Variants in KLF16 observed in about 807,000 individuals in gnomAD.
KLF16 encodes Krueppel-like factor 16.
Under a neutral mutation model 6.1 loss-of-function variants are expected in KLF16, and 6 were observed. The ratio of observed to expected loss-of-function variants is 0.98; its 90% CI spans 0.54 to 1.93. The LOEUF (loss-of-function observed/expected upper bound fraction) is 1.93. Among genes scored for constraint, KLF16 ranks in the 30% most tolerant of loss-of-function variants. The pLI is 0.01. For synonymous variants in KLF16, 211 were observed against 176.5 expected, an observed-to-expected ratio of 1.20 and a Z score of -1.55; for missense variants, 355 against 363.8, an observed-to-expected ratio of 0.98 and a Z score of 0.20.
rs1255088942 is a variant in KLF16, at chr19:1,853,640, CCT to C, written c.*817_*818del. ...AGCCCGGTGCCAGCCTCCCCTGCAGCCTCTCTCACCCACCCACCCAGAGAGGG... is the reference window on the plus strand; with the variant it reads ...AGCCCGGTGCCAGCCTCCCCTGCAGCCTCTCACCCACCCACCCAGAGAGGG... On this transcript the variant is annotated 3_prime_UTR_variant, in exon 2 of 2. Transcript: ENST00000250916. 6.5e-6 allele frequency: 1 copy of C among 152,758 alleles called. No individual in the cohort carries two copies. Among genetic ancestry groups the C allele is most frequent in the African/African-American group, 2.4e-5 (1 of 41,458 alleles). The allele number at this position is 152,758 out of a possible 1,614,324, so 9.5% of individuals were successfully genotyped here. A position where few individuals can be genotyped will look rare whatever the true frequency, so the allele number is the denominator to read the frequency against.
At chr19:1,874,925 A>G in the KLF16 span, 1 of 152,344 alleles carries the variant, frequency 6.6e-6, no homozygotes, top group African/African-American at 2.4e-5. Flanking sequence ...ATATTTTCCA[A>G]TCTCGAAACG....
the KLF16 span, among the ~76,000 whole-genome samples, chr19:1,874,591 C>A: frequency 6.7e-6 from 1 of 150,034 alleles, no homozygotes; most frequent in Admixed American, 6.6e-5. Flanking sequence ...ATGCAGGAGC[C>A]GTAAAGAGAA....
At chr19:1,874,505 C>T in the KLF16 span, among the ~76,000 whole-genome samples, 1 of 151,468 alleles carries the variant, frequency 6.6e-6, no homozygotes, top group African/African-American at 2.4e-5. Context: ...AAAAAAACCC[C>T]ACTACATTTC....
chr19:1,854,193 TG>T lies in KLF16; in HGVS notation c.*265del, dbSNP rs1028990722. 5.8e-5 allele frequency: 23 copies of T among 398,650 alleles called. No individual in the cohort carries two copies. Among genetic ancestry groups the T allele is most frequent in the East Asian group, 8.1e-5 (2 of 24,622 alleles). 24.7% of individuals were successfully genotyped at this position (398,650 alleles called of 1,614,324 possible). A position where few individuals can be genotyped will look rare whatever the true frequency, so the allele number is the denominator to read the frequency against. On this transcript the variant is annotated 3_prime_UTR_variant, in exon 2 of 2. Transcript: ENST00000250916. ...AGAGGGGAGGACCTCCTAGCTGCCC[TG>T]GGGGGGCCCCGTTGCACAGATGGGA... is the stretch of plus-strand genomic sequence containing the variant.
At chr19:1,875,578 G>C in the KLF16 span, 1 of 152,224 alleles carries the variant, frequency 6.6e-6, no homozygotes, top group Non-Finnish European at 1.5e-5. Context: ...CTGTGCACCT[G>C]AACACACTTT....
At chr19:1,875,427 C>T in the KLF16 span, 1 of 152,238 alleles carries the variant, frequency 6.6e-6, no homozygotes, top group African/African-American at 2.4e-5. Context: ...CGTAGATGTT[C>T]CTGCATAGAC....
At chr19:1,856,485 AC>A in intron 1 of KLF16, among the ~76,000 whole-genome samples, 1 of 152,270 alleles carries the variant, frequency 6.6e-6, no homozygotes, top group South Asian at 2.1e-4. Context: ...AGGGGGAGAG[AC>A]CAGCTGTCAC....
chr19:1,871,097 G>A, the KLF16 span, among the ~76,000 whole-genome samples: 1 of 152,232 alleles, frequency 6.6e-6, no homozygotes, highest in Admixed American at 6.5e-5. Flanking sequence ...AGTATCAGCG[G>A]CGGGGTCACA....
At chr19:1,873,166 G>A in the KLF16 span, among the ~76,000 whole-genome samples, 1 of 152,180 alleles carries the variant, frequency 6.6e-6, no homozygotes, top group Non-Finnish European at 1.5e-5. Flanking sequence ...AGCCGGGTGG[G>A]TCCCACCAGC....
the KLF16 span, among the ~76,000 whole-genome samples, chr19:1,869,930 CTTTTT>C: frequency 5.5e-5 from 6 of 109,752 alleles, no homozygotes; most frequent in Non-Finnish European, 1.1e-4. Context: ...AATACTTTTT[CTTTTT>C]TTTTTTTTTT....
chr19:1,871,114 C>G, the KLF16 span, among the ~76,000 whole-genome samples: 1 of 152,234 alleles, frequency 6.6e-6, no homozygotes, highest in African/African-American at 2.4e-5. Context: ...CACAGAGACC[C>G]TGAGGCTGCT....
intron 1 of KLF16, among the ~76,000 whole-genome samples, chr19:1,855,533 CCA>C (rs1192688758): frequency 6.6e-6 from 1 of 152,182 alleles, no homozygotes; most frequent in African/African-American, 2.4e-5. Flanking sequence ...GCCACTTCCT[CCA>C]CAGTCCCCTC....
chr19:1,862,039 T>TG (rs1472134321), intron 1 of KLF16: 1 of 152,248 alleles, frequency 6.6e-6, no homozygotes. Context: ...AGAGGTCTTC[T>TG]GTTTGGTGGC....
Position 1,854,352 on chromosome 19 carries a change from T to A in KLF16, c.*107A>T. On this transcript the variant is annotated 3_prime_UTR_variant, in exon 2 of 2. Transcript: ENST00000250916. ...CTCTCTGGAGGGGGGCAGGGGTGTC[T>A]TCAGGGTTTGCCCACGGCTGGAAGG... 1 of 1,314,772 alleles carries A rather than the reference T, an allele frequency of 7.6e-7. No homozygotes were observed. The highest frequency in any genetic ancestry group is 1.9e-5 in the South Asian group (1 of 52,704). The allele number at this position is 1,314,772 out of a possible 1,614,324, so 81.4% of individuals were successfully genotyped here.
chr19:1,856,896 GC>G (rs1568732174), intron 1 of KLF16, among the ~76,000 whole-genome samples: 1 of 145,922 alleles, frequency 6.9e-6, no homozygotes, highest in Non-Finnish European at 1.5e-5. Flanking sequence ...GGGCGGCGGG[GC>G]TGGTCTCCAC....
At chr19:1,855,584 C>T (rs74401481) in intron 1 of KLF16, among the ~76,000 whole-genome samples, 2,964 of 152,348 alleles carry the variant, frequency 0.019, 43 homozygotes, top group Middle Eastern at 0.041. Flanking sequence ...CTGCCCCTAA[C>T]CAGCCGTCAC....
chr19:1,855,991 C>T (rs1599191980), intron 1 of KLF16, among the ~76,000 whole-genome samples: 1 of 152,184 alleles, frequency 6.6e-6, no homozygotes, highest in African/African-American at 2.4e-5. Context: ...CCTGAGTGGC[C>T]CCAAAGCCTA....
the KLF16 span, among the ~76,000 whole-genome samples, chr19:1,870,451 C>T: frequency 2.0e-5 from 3 of 151,900 alleles, no homozygotes; most frequent in Non-Finnish European, 4.4e-5. Context: ...GCGGGAGAAT[C>T]GCTTAAGGCC....
the KLF16 span, among the ~76,000 whole-genome samples, chr19:1,869,930 CTT>C: frequency 9.8e-4 from 107 of 109,714 alleles, no homozygotes; most frequent in African/African-American, 2.7e-3. Context: ...AATACTTTTT[CTT>C]TTTTTTTTTT....
Sources: gnomAD v4.1 joint callset for allele counts (sites outside exome capture counted in the v4.1 genomes callset) on GRCh38, gnomAD v4.1.1 for gene constraint, MANE v1.5 for transcripts, NCBI Gene and HGNC (gene_info 2026-07-23, HGNC 2026-07-21) for gene names.